Variants in NIPSNAP3B observed in about 807,000 individuals in gnomAD.
NIPSNAP3B encodes the protein protein NipSnap homolog 3B.
NIPSNAP3B carries 30 observed loss-of-function variants against 31.5 expected under a neutral mutation model. The ratio of observed to expected loss-of-function variants is 0.95; its 90% CI spans 0.71 to 1.29. The LOEUF is 1.29. Among genes scored for constraint, NIPSNAP3B ranks in the 50% most tolerant of loss-of-function variants. NIPSNAP3B has a pLI of 0.00. For missense variants in NIPSNAP3B, 269 were observed against 300.7 expected, an observed-to-expected ratio of 0.89 and a Z score of 0.78; for synonymous variants, 106 against 107.9, an observed-to-expected ratio of 0.98 and a Z score of 0.11.
the NIPSNAP3B span, chr9:104,788,591 T>C: frequency 1.2e-6 from 2 of 1,613,844 alleles, no homozygotes; most frequent in East Asian, 4.5e-5. Context: ...GAAAACTACT[T>C]AGATTTTAAG....
chr9:104,766,332 C>G lies in NIPSNAP3B; in HGVS notation c.68C>G (p.Ser23Ter). The part of the protein sequence containing the change: ...ASRTLAPQVC[S>*]SFATGPRQYD... Reference sequence around the variant, plus strand: ...TTGTCTTACCTCCTTCAGGTGTGTTCATCTTTTGCTACGGGCCCTAGACAA... The same window carrying G: ...TTGTCTTACCTCCTTCAGGTGTGTTGATCTTTTGCTACGGGCCCTAGACAA... Residue 23 changes from serine (S) to a stop codon, truncating the protein, a stop_gained, in exon 2 of 6, where the codon TCA (serine) becomes TGA (stop). Coordinates refer to ENST00000374762, the MANE Select transcript of NIPSNAP3B (RefSeq NM_018376.4). LOFTEE classifies it high-confidence loss of function. 6.2e-7 allele frequency: 1 copy of G among 1,613,098 alleles called. No homozygotes were observed. The highest frequency in any genetic ancestry group is 8.5e-7 in the Non-Finnish European group (1 of 1,179,274).
At chr9:104,788,817 C>A in the NIPSNAP3B span, among the ~76,000 whole-genome samples, 1 of 152,200 alleles carries the variant, frequency 6.6e-6, no homozygotes, top group Non-Finnish European at 1.5e-5. Flanking sequence ...CAGGTGCAGT[C>A]CCATTTCAGA....
In NIPSNAP3B at chr9:104,773,358, A is replaced by G. The variant is rs1828266285; in HGVS notation, c.*285A>G. 1 of 309,402 alleles carries G rather than the reference A, an allele frequency of 3.2e-6. No individual in the cohort carries two copies. The highest frequency in any genetic ancestry group is 2.2e-5 in the African/African-American group (1 of 46,084). The allele number at this position is 309,402 out of a possible 1,614,324, so 19.2% of individuals were successfully genotyped here. The stretch of plus-strand genomic sequence containing the variant: ...ATTTGTTTTAGAATACCTCTTCTGT[A>G]TTTTGATAACTCATTGCTTTATAGC... On this transcript the variant is annotated 3_prime_UTR_variant, in exon 6 of 6. Coordinates refer to ENST00000374762, the MANE Select transcript of NIPSNAP3B (RefSeq NM_018376.4).
rs372767378 is a variant in NIPSNAP3B at position 104,774,101 on chromosome 9, G to A, written c.*1028G>A. On this transcript the variant is annotated 3_prime_UTR_variant, in exon 6 of 6. Transcript: ENST00000374762. ...AAAACTAGATTTGGTACTTCCGATA[G>A]TGTATATTTACAGCTATATTATATT... is the stretch of plus-strand genomic sequence containing the variant. 6.6e-6 allele frequency: 1 copy of A among 152,070 alleles called. No individual in the cohort carries two copies. Among genetic ancestry groups the A allele is most frequent in the South Asian group, 2.1e-4 (1 of 4,828 alleles). 9.4% of individuals were successfully genotyped at this position (152,070 alleles called of 1,614,324 possible). A position where few individuals can be genotyped will look rare whatever the true frequency, so the allele number is the denominator to read the frequency against.
At position 104,774,532 on chromosome 9, in the gene NIPSNAP3B, C is replaced by CTGT. The variant is rs1317995044; in HGVS notation, c.*1461_*1463dup. On this transcript the variant is annotated 3_prime_UTR_variant, in exon 6 of 6. Coordinates refer to ENST00000374762, the MANE Select transcript of NIPSNAP3B (RefSeq NM_018376.4). ...AAGACATTTAATATTTTGCTTCAGA[C>CTGT]TGTTATAGTACCTTAGGGTTATGAA... Among the ~76,000 whole-genome samples, 1 of 152,182 alleles carries CTGT rather than the reference C, an allele frequency of 6.6e-6. No homozygotes were observed. The highest frequency in any genetic ancestry group is 1.5e-5 in the Non-Finnish European group (1 of 68,028).
At chr9:104,785,557 C>T in the NIPSNAP3B span, 1 of 1,613,994 alleles carries the variant, frequency 6.2e-7, no homozygotes, top group African/African-American at 1.3e-5. Flanking sequence ...CCAGGAAATG[C>T]AAGTCCAAAG....
In NIPSNAP3B at chr9:104,764,286, A is replaced by T; in HGVS notation, c.46A>T (p.Thr16Ser). Residue 16 changes from threonine (T) to serine (S), a missense_variant, in exon 1 of 6, where the codon ACG (threonine) becomes TCG (serine). Transcript: ENST00000374762. ...CCTGACCAAGGCGCTTGCCTCACGG[A>T]CGCTCGCGCCTCAGGTACTGGCCGC... ...SGLTKALASR[T>S]LAPQVCSSFA... 1.9e-6 allele frequency: 3 copies of T among 1,590,834 alleles called. No homozygotes were observed. Among genetic ancestry groups the T allele is most frequent in the Non-Finnish European group, 2.6e-6 (3 of 1,171,044 alleles).
downstream of NIPSNAP3B, among the ~76,000 whole-genome samples, chr9:104,780,822 A>G (rs1222029225): frequency 1.3e-5 from 2 of 152,236 alleles, no homozygotes; most frequent in Non-Finnish European, 2.9e-5. Context: ...CTTAACCAAC[A>G]TGAAAATACA....
At chr9:104,784,409 T>C in the NIPSNAP3B span, 1 of 1,614,090 alleles carries the variant, frequency 6.2e-7, no homozygotes, top group Non-Finnish European at 8.5e-7. Flanking sequence ...TGAGAGGTCT[T>C]TTAAGTGGTC....
chr9:104,764,159 C>T lies in NIPSNAP3B; in HGVS notation c.-82C>T, dbSNP rs1828037118. On this transcript the variant is annotated 5_prime_UTR_variant, in exon 1 of 6. Transcript: ENST00000374762. ...CTGAGTTCGCCAGTGGTCCAGGAGC[C>T]GCTTTTTTCCACTCGGGAAGACTTC... The T allele has an allele frequency of 7.3e-7, 1 of 1,369,272 alleles. No homozygotes were observed. The highest frequency in any genetic ancestry group is 1.0e-6 in the Non-Finnish European group (1 of 990,570). The allele number at this position is 1,369,272 out of a possible 1,614,324, so 84.8% of individuals were successfully genotyped here. A position where few individuals can be genotyped will look rare whatever the true frequency, so the allele number is the denominator to read the frequency against.
Position 104,777,313 on chromosome 9 carries a change from C to G in NIPSNAP3B, c.*4240C>G, listed in dbSNP as rs1393111529. On this transcript the variant is annotated 3_prime_UTR_variant, in exon 6 of 6. Coordinates refer to ENST00000374762, the MANE Select transcript of NIPSNAP3B (RefSeq NM_018376.4). ...CAACTGAAGTTGTAGTACTTTCTGT[C>G]TTCAAAGGAGGGTGAACCTGGAGTA... 1 of 152,194 alleles carries G rather than the reference C, an allele frequency of 6.6e-6. No homozygotes were observed. The highest frequency in any genetic ancestry group is 1.5e-5 in the Non-Finnish European group (1 of 68,054). The allele number at this position is 152,194 out of a possible 1,614,324, so 9.4% of individuals were successfully genotyped here. A position where few individuals can be genotyped will look rare whatever the true frequency, so the allele number is the denominator to read the frequency against.
the NIPSNAP3B span, chr9:104,788,180 T>C: frequency 8.1e-7 from 1 of 1,239,782 alleles, no homozygotes; most frequent in African/African-American, 1.5e-5. Context: ...ACCTGACAAC[T>C]GGTGAGGAGC....
the NIPSNAP3B span, chr9:104,786,729 G>A: frequency 1.3e-6 from 1 of 798,614 alleles, no homozygotes; most frequent in Middle Eastern, 2.5e-4. Flanking sequence ...TTGCATTTTT[G>A]TAAGAATATG....
the NIPSNAP3B span, among the ~76,000 whole-genome samples, chr9:104,790,073 G>A: frequency 6.7e-6 from 1 of 150,188 alleles, no homozygotes; most frequent in South Asian, 2.1e-4. Context: ...TCCAGCCTGG[G>A]CAGTAAGAGT....
the NIPSNAP3B span, chr9:104,788,178 A>G: frequency 8.1e-7 from 1 of 1,241,388 alleles, no homozygotes; most frequent in African/African-American, 1.5e-5. Context: ...TAACCTGACA[A>G]CTGGTGAGGA....
At chr9:104,778,551 T>A (rs1828383983), downstream of NIPSNAP3B, among the ~76,000 whole-genome samples, 1 of 152,180 alleles carries the variant, frequency 6.6e-6, no homozygotes, top group South Asian at 2.1e-4. Flanking sequence ...TATCTTATTT[T>A]CCATCATTGC....
downstream of NIPSNAP3B, among the ~76,000 whole-genome samples, chr9:104,779,166 A>C (rs982503771): frequency 6.6e-6 from 1 of 152,170 alleles, no homozygotes; most frequent in African/African-American, 2.4e-5. Flanking sequence ...AGAAAAGGCC[A>C]TCTCTGACTT....
downstream of NIPSNAP3B, among the ~76,000 whole-genome samples, chr9:104,780,500 T>C (rs1352455612): frequency 6.6e-6 from 1 of 152,220 alleles, no homozygotes; most frequent in Non-Finnish European, 1.5e-5. Context: ...ACAGCACTTA[T>C]TACAGGAAAA....
chr9:104,769,185 G>A (rs1828154330), intron 3 of NIPSNAP3B, among the ~76,000 whole-genome samples, 164 bp downstream of exon 3: 2 of 152,098 alleles, frequency 1.3e-5, no homozygotes, highest in Admixed American at 1.3e-4. Flanking sequence ...TGGGCGCGGT[G>A]GCTCACGCCT....
Sources: allele counts gnomAD v4.1 joint callset (sites outside exome capture counted in the v4.1 genomes callset), GRCh38; gene constraint gnomAD v4.1.1; transcripts MANE v1.5; gene names NCBI Gene and HGNC (gene_info 2026-07-23, HGNC 2026-07-21).